TCN1: variants seen among roughly 807,000 people sequenced by gnomAD.
The protein encoded by TCN1 is transcobalamin-1.
A neutral mutation model predicts 46.3 loss-of-function variants in TCN1; 47 were observed. That is an observed-to-expected ratio of 1.01 (90% CI 0.80 to 1.29). The LOEUF is 1.29. Ranked by LOEUF, TCN1 falls within the 50% of genes most tolerant of loss-of-function variation. TCN1 has a pLI of 0.00. For missense variants in TCN1, 532 were observed against 511.0 expected (o/e 1.04, Z -0.40); for synonymous variants, 183 against 192.5 (o/e 0.95, Z 0.41).
chr11:59,859,965 A>G (rs1235724268), intron 4 of TCN1, among the ~76,000 whole-genome samples: 1 of 152,208 alleles, frequency 6.6e-6, no homozygotes, highest in Non-Finnish European at 1.5e-5. Context: ...TGAGAATCCA[A>G]ACATCCTGGA....
chr11:59,856,589 G>T (rs527405343), intron 5 of TCN1, among the ~76,000 whole-genome samples: 1 of 152,084 alleles, frequency 6.6e-6, no homozygotes, highest in Non-Finnish European at 1.5e-5. Flanking sequence ...GAACAAAGGT[G>T]TTAGGTAGGA....
At position 59,861,832 on chromosome 11, in the gene TCN1, C is replaced by T. The variant is rs557564; in HGVS notation, c.401-150G>A. The T allele has an allele frequency of 0.25, 221,559 of 878,354 alleles. 29,904 individuals are homozygous for T. Among genetic ancestry groups the T allele is most frequent in the African/African-American group, 0.31 (18,097 of 58,900 alleles). 54.4% of individuals were successfully genotyped at this position (878,354 alleles called of 1,614,324 possible). On this transcript the variant is annotated intron_variant, in intron 3 of 8. Transcript: ENST00000257264. ...GGAGGTCACCCATAGAATCAGAAAA[C>T]CTGAGAAATGTGAGGGCTTTTAAGG...
rs746946479 is a variant in TCN1 at position 59,864,068 on chromosome 11, T to C, written c.98A>G (p.Tyr33Cys). ...CEICEVSEENYIRLKPLLNTM... is the reference protein window; with the variant it reads ...CEICEVSEENCIRLKPLLNTM... ...ATTCAACAGAGGTTTTAGGCGGATG[T>C]AGTTTTCTTCACTTACCTCTGTGGC... Residue 33 changes from tyrosine to cysteine, a missense_variant, in exon 2 of 9, where the codon TAC becomes TGC. Coordinates refer to ENST00000257264, the MANE Select transcript of TCN1 (RefSeq NM_001062.4). 3 of 1,613,844 alleles carry C rather than the reference T, an allele frequency of 1.9e-6. No individual in the cohort carries two copies. In the East Asian group the frequency reaches 6.7e-5, roughly 36 times the overall value.
chr11:59,856,173 T>G lies in TCN1; in HGVS notation c.748-115A>C, dbSNP rs546067349. The G allele has an allele frequency of 1.4e-3, 1,092 of 797,306 alleles. 2 individuals carry two copies. Among genetic ancestry groups the G allele is most frequent in the Non-Finnish European group, 2.0e-3 (989 of 488,688 alleles). 49.4% of individuals were successfully genotyped at this position (797,306 alleles called of 1,614,324 possible). A position where few individuals can be genotyped will look rare whatever the true frequency, so the allele number is the denominator to read the frequency against. On this transcript the variant is annotated intron_variant, in intron 5 of 8. Transcript: ENST00000257264. ...ATCTATAACTATATATGTAACTAAT[T>G]CAGTATTAATTGAACATTGACTACC...
At chr11:59,861,715 T>C in intron 3 of TCN1, 33 bp from the exon 4 acceptor site, 1 of 1,609,162 alleles carries the variant, frequency 6.2e-7, no homozygotes, top group Non-Finnish European at 8.5e-7. Flanking sequence ...CCCTTAATCA[T>C]GGAAGTGGTA....
intron 4 of TCN1, among the ~76,000 whole-genome samples, chr11:59,859,741 TAG>T (rs756911841): frequency 3.3e-5 from 5 of 152,194 alleles, no homozygotes; most frequent in Admixed American, 6.5e-5. Flanking sequence ...CCTGGAGGTT[TAG>T]AGAGTGGTGT....
chr11:59,861,929 A>C (rs997471858), intron 3 of TCN1, among the ~76,000 whole-genome samples: 2 of 152,212 alleles, frequency 1.3e-5, no homozygotes, highest in Non-Finnish European at 2.9e-5. Flanking sequence ...TTAAGATGCT[A>C]TCTAGATATT....
At chr11:59,862,813 T>C in intron 2 of TCN1, 91 bp from the exon 3 acceptor site, 1 of 1,460,648 alleles carries the variant, frequency 6.8e-7, no homozygotes, top group Non-Finnish European at 9.5e-7. Context: ...GCCTATCACT[T>C]TTTTCTTCTG....
At position 59,856,078 on chromosome 11, in the gene TCN1, TG is replaced by T. The variant is rs761593420; in HGVS notation, c.748-21del. The T allele has an allele frequency of 7.1e-4, 233 of 327,188 alleles. No individual in the cohort carries two copies. Among genetic ancestry groups the T allele is most frequent in the Non-Finnish European group, 9.4e-4 (170 of 180,480 alleles). The allele number at this position is 327,188 out of a possible 1,614,324, so 20.3% of individuals were successfully genotyped here. On this transcript the variant is annotated intron_variant, in intron 5 of 8. Coordinates refer to ENST00000257264, the MANE Select transcript of TCN1 (RefSeq NM_001062.4). ...GAGGGCCTAATGAGGCAGGGTGGGG[TG>T]GGGGGGTGATGAGAGATAAAGAGAG...
In TCN1 at chr11:59,853,911, G is replaced by A. The variant is rs116318952; in HGVS notation, c.1122-590C>T. Among the ~76,000 whole-genome samples, 842 of 151,854 alleles carry A rather than the reference G, an allele frequency of 5.5e-3. 23 individuals are homozygous for A. Among genetic ancestry groups the A allele is most frequent in the African/African-American group, 0.019 (798 of 41,178 alleles). On this transcript the variant is annotated intron_variant, in intron 7 of 8. Coordinates refer to ENST00000257264, the MANE Select transcript of TCN1 (RefSeq NM_001062.4). Reference sequence around the variant, plus strand: ...GATTTTCTTTATAGCATCCTACACTGTGTTGTTAGATATGATAAATAACTG... The same window carrying A: ...GATTTTCTTTATAGCATCCTACACTATGTTGTTAGATATGATAAATAACTG...
At chr11:59,857,804 GAAC>G (rs1032627422) in intron 5 of TCN1, among the ~76,000 whole-genome samples, 3 of 147,430 alleles carry the variant, frequency 2.0e-5, no homozygotes, top group African/African-American at 5.0e-5. Context: ...TGAGTTTTGA[GAAC>G]AACAGCCCAG....
chr11:59,855,427 A>G (rs1165573734), intron 6 of TCN1, among the ~76,000 whole-genome samples: 1 of 152,180 alleles, frequency 6.6e-6, no homozygotes, highest in Non-Finnish European at 1.5e-5. Context: ...TTGCAAGGTC[A>G]TTTTTTGAAT....
In TCN1 at chr11:59,859,342, T is replaced by C. The variant is rs1245119693; in HGVS notation, c.557-75A>G. The C allele has an allele frequency of 7.4e-5, 112 of 1,519,726 alleles. No individual in the cohort carries two copies. In the South Asian group the frequency reaches 1.2e-3, roughly 16 times the overall value. 94.1% of individuals were successfully genotyped at this position (1,519,726 alleles called of 1,614,324 possible). On this transcript the variant is annotated intron_variant, in intron 4 of 8. Transcript: ENST00000257264. ...TCCTGGGCCGAGAGGTTTCCTGGGA[T>C]GTGAGACTTTCAGTGCTAAAAGAAA...
At position 59,861,610 on chromosome 11, in the gene TCN1, T is replaced by C. The variant is rs200198188; in HGVS notation, c.473A>G (p.Asn158Ser). 4.5e-5 allele frequency: 72 copies of C among 1,614,138 alleles called. No homozygotes were observed. The Admixed American group carries it at 1.2e-3, about 26-fold the overall frequency. Residue 158 changes from asparagine to serine, a missense_variant, in exon 4 of 9, where the codon AAT becomes AGT. Physicochemically the swap from Asn to Ser is conservative, Grantham distance 46. Transcript: ENST00000257264. ...SLDVLALCLF[N>S]GNYSTAEVVN... ...AACTTCGGCGGTTGAGTAGTTCCCA[T>C]TGAACAGACACAAGGCCAAAACGTC...
intron 3 of TCN1, among the ~76,000 whole-genome samples, chr11:59,861,952 G>A (rs1245413196): frequency 2.0e-5 from 3 of 152,210 alleles, no homozygotes; most frequent in Admixed American, 6.5e-5. Context: ...GATGGTTACA[G>A]AGTTAGGGCC....
In TCN1 at chr11:59,856,071, G is replaced by T; in HGVS notation, c.748-13C>A. On this transcript the variant is annotated splice_polypyrimidine_tract_variant and intron_variant, in intron 5 of 8. Coordinates refer to ENST00000257264, the MANE Select transcript of TCN1 (RefSeq NM_001062.4). ...ATACAAAGAGGGCCTAATGAGGCAGGGTGGGGTGGGGGGGTGATGAGAGAT... is the reference window on the plus strand; with the variant it reads ...ATACAAAGAGGGCCTAATGAGGCAGTGTGGGGTGGGGGGGTGATGAGAGAT... 2.0e-6 allele frequency: 3 copies of T among 1,514,102 alleles called. No individual in the cohort carries two copies. Among genetic ancestry groups the T allele is most frequent in the Non-Finnish European group, 2.7e-6 (3 of 1,092,892 alleles). 93.8% of individuals were successfully genotyped at this position (1,514,102 alleles called of 1,614,324 possible). A position where few individuals can be genotyped will look rare whatever the true frequency, so the allele number is the denominator to read the frequency against.
chr11:59,862,495 G>A (rs2135109972), intron 3 of TCN1, 87 bp downstream of exon 3: 1 of 1,508,294 alleles, frequency 6.6e-7, no homozygotes, highest in South Asian at 1.1e-5. Context: ...TGAAGAGAAG[G>A]AAAGAGTGGA....
intron 2 of TCN1, 101 bp from the exon 3 acceptor site, chr11:59,862,823 G>C: frequency 7.5e-7 from 1 of 1,335,862 alleles, no homozygotes; most frequent in South Asian, 1.2e-5. Context: ...TTTTTCTTCT[G>C]TTGCGCTCTA....
In TCN1 at chr11:59,853,239, A is replaced by G. The variant is rs1935259892; in HGVS notation, c.1204T>C (p.Trp402Arg). 1.2e-6 allele frequency: 2 copies of G among 1,614,072 alleles called. No homozygotes were observed. Among genetic ancestry groups the G allele is most frequent in the Admixed American group, 1.7e-5 (1 of 60,000 alleles). ...LCANNNDRTY[W>R]ELLSGGEPLS... ...GGTTCGCCTCCACTCAGAAGTTCCCAGTAGGTTCTGTCATTATTGTTGGCA... is the reference window on the plus strand; with the variant it reads ...GGTTCGCCTCCACTCAGAAGTTCCCGGTAGGTTCTGTCATTATTGTTGGCA... The change falls in exon 8 of 9, where the codon TGG (tryptophan) becomes CGG (arginine). Residue 402 changes from tryptophan (W) to arginine (R), a missense_variant. Transcript: ENST00000257264.
Sources: allele counts gnomAD v4.1 joint callset (sites outside exome capture counted in the v4.1 genomes callset), GRCh38; gene constraint gnomAD v4.1.1; transcripts MANE v1.5; gene names NCBI Gene and HGNC (gene_info 2026-07-23, HGNC 2026-07-21).